The following PPP1R37 variants were observed in gnomAD, a reference collection of about 807,000 sequenced individuals.
PPP1R37 encodes the protein protein phosphatase 1 regulatory subunit 37.
A neutral mutation model predicts 61.0 loss-of-function variants in PPP1R37; 21 were observed. The ratio of observed to expected loss-of-function variants is 0.34; its 90% CI spans 0.24 to 0.50. The LOEUF is 0.50. PPP1R37 is among the 20% of genes least tolerant of loss of function. PPP1R37 has a pLI of 0.98. For missense variants in PPP1R37, 910 were observed against 952.7 expected (o/e 0.96, Z 0.59); for synonymous variants, 443 against 433.5 (o/e 1.02, Z -0.27).
intron 1 of PPP1R37, among the ~76,000 whole-genome samples, chr19:45,101,418 G>A (rs1329326959): frequency 3.3e-5 from 5 of 152,168 alleles, no homozygotes; most frequent in Non-Finnish European, 5.9e-5. Flanking sequence ...GCCCCAGAGG[G>A]CTTAAGAAGG....
At chr19:45,125,250 G>A (rs932718251) in intron 1 of PPP1R37, among the ~76,000 whole-genome samples, 1 of 152,086 alleles carries the variant, frequency 6.6e-6, no homozygotes, top group African/African-American at 2.4e-5. Context: ...GGATCATTAG[G>A]TCAAGAGCTG....
chr19:45,113,365 A>G (rs1255872813), intron 1 of PPP1R37, among the ~76,000 whole-genome samples: 3 of 152,234 alleles, frequency 2.0e-5, no homozygotes, highest in African/African-American at 7.2e-5. Flanking sequence ...GGTGCCACGC[A>G]TGGCGTTGAG....
Position 45,116,745 on chromosome 19 carries a change from T to C in PPP1R37, c.203-21769T>C, listed in dbSNP as rs1050364805. ...GCGACAGACACCACAGTGACGTCCC[T>C]AGACTCAGGGAGCCCTTGGTCTAGG... On this transcript the variant is annotated intron_variant, in intron 1 of 12. Transcript: ENST00000221462. Among the ~76,000 whole-genome samples the C allele has an allele frequency of 3.4e-4, 52 of 152,284 alleles. 1 individual carries two copies. Among genetic ancestry groups the C allele is most frequent in the African/African-American group, 1.1e-3 (47 of 41,558 alleles).
intron 5 of PPP1R37, 71 bp from the exon 6 acceptor site, chr19:45,141,990 C>T (rs975707453): frequency 2.8e-6 from 3 of 1,070,026 alleles, no homozygotes; most frequent in Non-Finnish European, 2.5e-6. Flanking sequence ...AGTGCTGGGG[C>T]GGTCCTGGGG....
intron 1 of PPP1R37, among the ~76,000 whole-genome samples, chr19:45,115,407 G>C (rs924367883): frequency 3.3e-5 from 5 of 152,088 alleles, no homozygotes; most frequent in African/African-American, 1.2e-4. Context: ...ATCTCCCTGC[G>C]CCTCAGTTTC....
intron 1 of PPP1R37, chr19:45,108,607 T>C (rs1309549635): frequency 6.6e-6 from 1 of 151,256 alleles, no homozygotes; most frequent in Non-Finnish European, 1.5e-5. Flanking sequence ...GACTACTAGT[T>C]AACTTCGGTT....
intron 1 of PPP1R37, among the ~76,000 whole-genome samples, chr19:45,135,691 G>A (rs1381640488): frequency 6.6e-6 from 1 of 152,008 alleles, no homozygotes; most frequent in Non-Finnish European, 1.5e-5. Flanking sequence ...TGGATGAAGC[G>A]CCTGGCACGA....
Position 45,145,956 on chromosome 19 carries a change from C to G in PPP1R37, c.1900C>G (p.Pro634Ala). 6.5e-7 allele frequency: 1 copy of G among 1,534,678 alleles called. No individual in the cohort carries two copies. Among genetic ancestry groups the G allele is most frequent in the Non-Finnish European group, 8.7e-7 (1 of 1,146,374 alleles). Residue 634 changes from proline (P) to alanine (A), a missense_variant, in exon 11 of 13, where the codon CCC becomes GCC. By Grantham distance (27) the Pro-to-Ala change is conservative. Transcript: ENST00000221462. ...GCCGCCTCGGTCAGGGCCACCACTG[C>G]CCAACGGCCTGAAGCCCGAGTTCGC... The part of the protein sequence containing the change: ...PEPPRSGPPL[P>A]NGLKPEFALA...
intron 1 of PPP1R37, chr19:45,129,023 G>A: frequency 1.2e-6 from 1 of 838,836 alleles, no homozygotes; most frequent in Non-Finnish European, 2.0e-6. Flanking sequence ...TCAAGGCCAT[G>A]GCAAAAGAAC....
At position 45,141,419 on chromosome 19, in the gene PPP1R37, C is replaced by T. The variant is rs941614826; in HGVS notation, c.545C>T (p.Ala182Val). ...NKHIGTRGWQ[A>V]AAHMMRKTSC... ...CACATCGGCACCCGGGGCTGGCAGG[C>T]GGCCGCCCACATGATGCGCAAGGTG... The change falls in exon 5 of 13, where the codon GCG becomes GTG. Residue 182 changes from alanine to valine, a missense_variant. Ala to Val is a moderately conservative substitution (Grantham distance 64). This residue lies in a region of PPP1R37 where 280 missense variants were observed against 382.2 expected (regional missense o/e 0.73). Transcript: ENST00000221462. 3 of 1,535,658 alleles carry T rather than the reference C, an allele frequency of 2.0e-6. No homozygotes were observed. Among genetic ancestry groups the T allele is most frequent in the East Asian group, 2.4e-5 (1 of 40,898 alleles).
chr19:45,143,837 C>CA (rs1309414686), intron 8 of PPP1R37: 6 of 374,506 alleles, frequency 1.6e-5, no homozygotes, highest in African/African-American at 1.3e-4. Context: ...TCATTATCTC[C>CA]TTTTTTTTTT....
rs1185855226 is a variant in PPP1R37, at chr19:45,121,277, G to C, written c.203-17237G>C. Among the ~76,000 whole-genome samples, 1 of 152,200 alleles carries C rather than the reference G, an allele frequency of 6.6e-6. No individual in the cohort carries two copies. The highest frequency in any genetic ancestry group is 1.5e-5 in the Non-Finnish European group (1 of 68,046). On this transcript the variant is annotated intron_variant, in intron 1 of 12. Coordinates refer to ENST00000221462, the MANE Select transcript of PPP1R37 (RefSeq NM_019121.2). The surrounding 1 kb of genome is among the most constrained non-coding windows in gnomAD (Gnocchi z 4.2). ...GCTGGAAGAGGGGGTCAGAAGCACA[G>C]ACCTGCATTTACACTCACACTCTGG...
At chr19:45,117,524 G>C (rs535203497) in intron 1 of PPP1R37, among the ~76,000 whole-genome samples, 18 of 152,302 alleles carry the variant, frequency 1.2e-4, no homozygotes, top group African/African-American at 4.3e-4. Context: ...AGCTAATTGT[G>C]CGCCTGCTTT....
At chr19:45,110,836 C>T (rs1024783584) in intron 1 of PPP1R37, among the ~76,000 whole-genome samples, 4 of 152,112 alleles carry the variant, frequency 2.6e-5, no homozygotes, top group Non-Finnish European at 5.9e-5. Context: ...TCTAAAATTC[C>T]AATCTAAAGC....
chr19:45,094,197 T>A (rs1188028667), intron 1 of PPP1R37, among the ~76,000 whole-genome samples: 3 of 152,206 alleles, frequency 2.0e-5, no homozygotes, highest in Non-Finnish European at 4.4e-5. Context: ...TTGCCCAGGC[T>A]GGTCTCGGAC....
Position 45,093,425 on chromosome 19 carries a change from C to G in PPP1R37, c.100C>G (p.Pro34Ala). Reference sequence around the variant, plus strand: ...CGGGTCTCCCAGCCCCGCGTCGCCCCCCGCCGATGGGCGCCTCAAGGCTGC... The same window carrying G: ...CGGGTCTCCCAGCCCCGCGTCGCCCGCCGCCGATGGGCGCCTCAAGGCTGC... ...EAGSPSPASP[P>A]ADGRLKAAAK... The change falls in exon 1 of 13, where the codon CCC (proline) becomes GCC (alanine). Residue 34 changes from proline (P) to alanine (A), a missense_variant. Pro to Ala is a conservative substitution (Grantham distance 27, BLOSUM62 -1). This residue lies in a region of PPP1R37 where 81 missense variants were observed against 65.4 expected (regional missense o/e 1.24). Transcript: ENST00000221462. 1 of 1,534,880 alleles carries G rather than the reference C, an allele frequency of 6.5e-7. No individual in the cohort carries two copies. The highest frequency in any genetic ancestry group is 8.7e-7 in the Non-Finnish European group (1 of 1,146,430).
rs774249958 is a variant in PPP1R37, at chr19:45,145,953, C to G, written c.1897C>G (p.Leu633Val). 3.3e-6 allele frequency: 5 copies of G among 1,534,714 alleles called. No homozygotes were observed. The Admixed American group carries it at 7.9e-5, about 24-fold the overall frequency. ...PPEPPRSGPPLPNGLKPEFAL... is the reference protein window; with the variant it reads ...PPEPPRSGPPVPNGLKPEFAL... ...GGAGCCGCCTCGGTCAGGGCCACCA[C>G]TGCCCAACGGCCTGAAGCCCGAGTT... The change falls in exon 11 of 13, where the codon CTG becomes GTG. Residue 633 changes from leucine (L) to valine (V), a missense_variant. Coordinates refer to ENST00000221462, the MANE Select transcript of PPP1R37 (RefSeq NM_019121.2).
At chr19:45,105,737 T>G (rs1248542756) in intron 1 of PPP1R37, among the ~76,000 whole-genome samples, 1 of 152,186 alleles carries the variant, frequency 6.6e-6, no homozygotes, top group Non-Finnish European at 1.5e-5. Context: ...CAGTGTTCCG[T>G]TTCCCTGGAG....
In PPP1R37 at chr19:45,146,023, AGGG is replaced by A. The variant is rs1205306229; in HGVS notation, c.1971_1973del (p.Gly658del). 5.2e-6 allele frequency: 8 copies of A among 1,531,438 alleles called. No homozygotes were observed. Among genetic ancestry groups the A allele is most frequent in the Admixed American group, 4.0e-5 (2 of 50,592 alleles). 94.9% of individuals were successfully genotyped at this position (1,531,438 alleles called of 1,614,324 possible). On this transcript the variant is annotated inframe_deletion, in exon 11 of 13. Transcript: ENST00000221462. ...GAGCCGCCCCCGGGGCCTGAGGTCAAGGGGGGCAGCTGCGGCCTGGAGCACGGT... is the reference window on the plus strand; with the variant it reads ...GAGCCGCCCCCGGGGCCTGAGGTCAAGGGCAGCTGCGGCCTGGAGCACGGT...
Sources: gnomAD v4.1 joint callset for allele counts (sites outside exome capture counted in the v4.1 genomes callset) on GRCh38, gnomAD v4.1.1 for gene constraint, gnomAD v4.1.1 regional missense constraint, Gnocchi (gnomAD v3.1) non-coding constraint, MANE v1.5 for transcripts, NCBI Gene and HGNC (gene_info 2026-07-23, HGNC 2026-07-21) for gene names.